KCNMA1: variants seen among roughly 807,000 people sequenced by gnomAD.
The protein encoded by KCNMA1 is potassium calcium-activated channel subfamily M alpha 1.
In KCNMA1, 29 loss-of-function variants were observed where a neutral mutation model predicts 140.0. That is an observed-to-expected ratio of 0.21 (90% confidence interval 0.15 to 0.28). KCNMA1 has a LOEUF of 0.28. KCNMA1 is among the 10% of genes least tolerant of loss of function. The pLI is 1.00. For synonymous variants in KCNMA1, 612 were observed against 611.9 expected (o/e 1.00, Z 0.00); for missense variants, 880 against 1,602.2 (o/e 0.55, Z 7.70).
chr10:76,894,576 A>G (rs946915170), intron 25 of KCNMA1, among the ~76,000 whole-genome samples: 14 of 152,226 alleles, frequency 9.2e-5, no homozygotes, highest in African/African-American at 3.4e-4. Context: ...TTTGCAAATC[A>G]TATGTCTGAT....
At chr10:77,381,933 G>A (rs74680003) in intron 2 of KCNMA1, among the ~76,000 whole-genome samples, 4,038 of 152,204 alleles carry the variant, frequency 0.027, 185 homozygotes, top group African/African-American at 0.09. Flanking sequence ...CAGGCTTGAC[G>A]TCAATTAAAT....
chr10:77,474,076 C>T (rs1160332581), intron 1 of KCNMA1, among the ~76,000 whole-genome samples: 2 of 152,196 alleles, frequency 1.3e-5, no homozygotes, highest in South Asian at 2.1e-4. Context: ...ACACTCCTTC[C>T]ATTCTGGGGC....
chr10:77,139,976 A>T (rs2098129909), intron 5 of KCNMA1, among the ~76,000 whole-genome samples: 1 of 152,246 alleles, frequency 6.6e-6, no homozygotes, highest in Non-Finnish European at 1.5e-5. Flanking sequence ...CATTTAATAA[A>T]TAGGAAGCAA....
At chr10:77,258,555 A>G (rs1340775858) in intron 2 of KCNMA1, among the ~76,000 whole-genome samples, 2 of 152,158 alleles carry the variant, frequency 1.3e-5, no homozygotes, top group Non-Finnish European at 2.9e-5. Context: ...AGAAGCTCAG[A>G]CTGAGTCTCA....
At chr10:77,187,256 A>C (rs934618039) in intron 3 of KCNMA1, among the ~76,000 whole-genome samples, 74 of 152,194 alleles carry the variant, frequency 4.9e-4, no homozygotes, top group African/African-American at 1.8e-3. Context: ...ACATAAATGG[A>C]AACAGGTATT....
In KCNMA1 at chr10:77,001,627, T is replaced by C. The variant is rs925037366; in HGVS notation, c.2093-47A>G. The C allele has an allele frequency of 4.0e-6, 6 of 1,485,132 alleles. No individual in the cohort carries two copies. In the African/African-American group the frequency reaches 4.2e-5, roughly 10 times the overall value. 92.0% of individuals were successfully genotyped at this position (1,485,132 alleles called of 1,614,324 possible). ...GGAGGAGAGGAAGAGCGGCAATTAA[T>C]GGCAAGGTCACACACAGCAAGGCAG... On this transcript the variant is annotated intron_variant, in intron 18 of 27. Transcript: ENST00000286628.
At chr10:77,610,362 A>G (rs978256502) in intron 1 of KCNMA1, among the ~76,000 whole-genome samples, 1 of 152,260 alleles carries the variant, frequency 6.6e-6, no homozygotes, top group Non-Finnish European at 1.5e-5. Flanking sequence ...TCCTTGGCAC[A>G]TAGAGGGTGC....
intron 1 of KCNMA1, among the ~76,000 whole-genome samples, chr10:77,631,089 A>G (rs1567979363): frequency 1.5e-5 from 2 of 133,914 alleles, no homozygotes; most frequent in South Asian, 4.8e-4. Context: ...CCTGGGCAAC[A>G]GAGTGAGACC....
intron 1 of KCNMA1, among the ~76,000 whole-genome samples, chr10:77,431,024 A>T (rs1250986506): frequency 6.6e-6 from 1 of 152,050 alleles, no homozygotes; most frequent in Non-Finnish European, 1.5e-5. Flanking sequence ...GCAGGGAACT[A>T]CTCCTTTTAG....
chr10:77,241,805 C>T (rs766375345), intron 3 of KCNMA1, among the ~76,000 whole-genome samples: 4 of 152,038 alleles, frequency 2.6e-5, no homozygotes, highest in Non-Finnish European at 5.9e-5. Context: ...AGAGTGAGAC[C>T]GTGTCTCTAA....
chr10:76,978,077 C>T (rs1015266752), intron 19 of KCNMA1, among the ~76,000 whole-genome samples: 3 of 152,214 alleles, frequency 2.0e-5, no homozygotes, highest in African/African-American at 2.4e-5. Context: ...AACCTCTGCA[C>T]AATAACTCCT....
At position 77,637,760 on chromosome 10, in the gene KCNMA1, C is replaced by CCGA; in HGVS notation, c.-119_-118insTCG. 1 of 1,308,036 alleles carries CCGA rather than the reference C, an allele frequency of 7.6e-7. No homozygotes were observed. The highest frequency in any genetic ancestry group is 9.6e-7 in the Non-Finnish European group (1 of 1,040,828). The allele number at this position is 1,308,036 out of a possible 1,614,324, so 81.0% of individuals were successfully genotyped here. On this transcript the variant is annotated 5_prime_UTR_variant, in exon 1 of 28. Transcript: ENST00000286628. ...ACTGCTGCCGCCGCCGCCGCCGCCG[C>CCGA]GGAGCGCGGGAGGGGGGCGGGGAGG...
chr10:77,482,242 G>A (rs1246190881), intron 1 of KCNMA1, among the ~76,000 whole-genome samples: 5 of 152,368 alleles, frequency 3.3e-5, no homozygotes, highest in Admixed American at 1.3e-4. Flanking sequence ...GCCAGAGGCC[G>A]AGGCTCCACA....
chr10:77,506,594 A>AGTGT (rs756755351), intron 1 of KCNMA1, among the ~76,000 whole-genome samples: 6 of 88,648 alleles, frequency 6.8e-5, no homozygotes, highest in African/African-American at 2.9e-4. Flanking sequence ...AGAGAGAGAG[A>AGTGT]GAGTGTGTGT....
At chr10:77,571,914 T>C (rs1234116977) in intron 1 of KCNMA1, among the ~76,000 whole-genome samples, 1 of 152,142 alleles carries the variant, frequency 6.6e-6, no homozygotes, top group African/African-American at 2.4e-5. Flanking sequence ...CTTTGAAATG[T>C]AGATGTATTT....
intron 20 of KCNMA1, among the ~76,000 whole-genome samples, chr10:76,964,606 C>A (rs1343231215): frequency 1.3e-5 from 2 of 152,156 alleles, no homozygotes; most frequent in African/African-American, 4.8e-5. Flanking sequence ...GCTGTCCCTG[C>A]CTTCCTTCTT....
chr10:77,344,442 T>C (rs2091712242), intron 2 of KCNMA1, among the ~76,000 whole-genome samples: 1 of 152,200 alleles, frequency 6.6e-6, no homozygotes, highest in South Asian at 2.1e-4. Flanking sequence ...ATGAATGCAT[T>C]TGTGAGACAT....
chr10:76,937,846 G>A, intron 23 of KCNMA1, among the ~76,000 whole-genome samples: 1 of 152,092 alleles, frequency 6.6e-6, no homozygotes, highest in Admixed American at 6.6e-5. Context: ...ATATGTGGAT[G>A]TTCATTTAGT....
At chr10:77,275,075 G>A (rs888430273) in intron 2 of KCNMA1, among the ~76,000 whole-genome samples, 13 of 152,176 alleles carry the variant, frequency 8.5e-5, no homozygotes, top group Admixed American at 7.2e-4. Context: ...CTTGAGTGTG[G>A]AGGGGCTTTT....
Sources: allele counts gnomAD v4.1 joint callset (sites outside exome capture counted in the v4.1 genomes callset), GRCh38; gene constraint gnomAD v4.1.1; transcripts MANE v1.5; gene names NCBI Gene and HGNC (gene_info 2026-07-23, HGNC 2026-07-21).